Variants in ZPLD1 observed in about 807,000 individuals in gnomAD.
ZPLD1 encodes the protein zona pellucida-like domain-containing protein 1.
ZPLD1 carries 34 observed loss-of-function variants against 47.2 expected under a neutral mutation model. That is an observed-to-expected ratio of 0.72 (90% CI 0.55 to 0.96). ZPLD1 has a LOEUF of 0.96. Ranked by LOEUF, ZPLD1 falls within the 40% of genes least tolerant of loss-of-function variation. The probability of loss-of-function intolerance (pLI) is 0.00; values close to 1 mark genes in which losing one functional copy is unlikely to be tolerated. For missense variants in ZPLD1, 512 were observed against 505.8 expected (o/e 1.01, Z -0.12); for synonymous variants, 176 against 186.2 (o/e 0.95, Z 0.45).
At position 102,444,105 on chromosome 3, in the gene ZPLD1, A is replaced by G. The variant is rs1452061123; in HGVS notation, c.106+5512A>G. 2.0e-5 allele frequency among the ~76,000 whole-genome samples: 3 copies of G among 152,372 alleles called. No homozygotes were observed. In the East Asian group the frequency reaches 5.8e-4, roughly 29 times the overall value. ...GTCCATATTCTCCCATATTTTAATAACAGCATTCTTTATTGCATGAATTTT... is the reference window on the plus strand; with the variant it reads ...GTCCATATTCTCCCATATTTTAATAGCAGCATTCTTTATTGCATGAATTTT... On this transcript the variant is annotated intron_variant, in intron 3 of 11. Transcript: ENST00000466937.
chr3:102,409,791 C>A (rs1244214446), intron 7 of ZPLD1, among the ~76,000 whole-genome samples: 1 of 151,764 alleles, frequency 6.6e-6, no homozygotes, highest in Non-Finnish European at 1.5e-5. Context: ...ACCTTGATTT[C>A]AAGGTTAGAG....
rs1336102650 is a variant in ZPLD1, at chr3:102,478,073, G to A, written c.*455G>A. 1 of 152,560 alleles carries A rather than the reference G, an allele frequency of 6.6e-6. No individual in the cohort carries two copies. The highest frequency in any genetic ancestry group is 1.9e-4 in the East Asian group (1 of 5,198). 9.5% of individuals were successfully genotyped at this position (152,560 alleles called of 1,614,324 possible). A position where few individuals can be genotyped will look rare whatever the true frequency, so the allele number is the denominator to read the frequency against. ...ATCCGGATATTCCCAGCTTCAGGAT[G>A]TGTTTTAATAGGACTGGCCAATTTG... On this transcript the variant is annotated 3_prime_UTR_variant, in exon 12 of 12. Coordinates refer to ENST00000466937, the MANE Select transcript of ZPLD1 (RefSeq NM_001329788.2).
At chr3:102,411,851 G>A (rs575654436) in intron 7 of ZPLD1, among the ~76,000 whole-genome samples, 52 of 151,692 alleles carry the variant, frequency 3.4e-4, no homozygotes, top group Non-Finnish European at 4.6e-4. Flanking sequence ...GAACCAATAG[G>A]GTATATCTCT....
chr3:102,477,829 C>G lies in ZPLD1; in HGVS notation c.*211C>G. The G allele has an allele frequency of 2.5e-6, 1 of 399,854 alleles. No individual in the cohort carries two copies. The highest frequency in any genetic ancestry group is 6.5e-4 in the Middle Eastern group (1 of 1,530). The allele number at this position is 399,854 out of a possible 1,614,324, so 24.8% of individuals were successfully genotyped here. A position where few individuals can be genotyped will look rare whatever the true frequency, so the allele number is the denominator to read the frequency against. On this transcript the variant is annotated 3_prime_UTR_variant, in exon 12 of 12. Transcript: ENST00000466937. Reference sequence around the variant, plus strand: ...GTACGTGGCGAGCCGTATTTTTATGCCACCAGTGAATATATTGACAATAAG... The same window carrying G: ...GTACGTGGCGAGCCGTATTTTTATGGCACCAGTGAATATATTGACAATAAG...
chr3:102,429,705 A>T (rs185881695), intron 8 of ZPLD1, among the ~76,000 whole-genome samples: 20 of 152,284 alleles, frequency 1.3e-4, no homozygotes, highest in Middle Eastern at 6.8e-3. Flanking sequence ...TGGAATATGG[A>T]TCAAAATGTC....
chr3:102,453,100 C>A lies in ZPLD1; in HGVS notation c.288C>A (p.Ile96=). The stretch of plus-strand genomic sequence containing the variant: ...TTCCAGCAGTGGTCATTTTTATCAT[C>A]AATCTCAGCACCTTGGAGGGCTGTG... ...NTFPAVVIFI[I]NLSTLEGCGN... The change falls in exon 4 of 12, where the codon ATC becomes ATA. Residue 96 remains isoleucine (I), a synonymous_variant. Transcript: ENST00000466937. 6.2e-7 allele frequency: 1 copy of A among 1,614,036 alleles called. No homozygotes were observed. Among genetic ancestry groups the A allele is most frequent in the Non-Finnish European group, 8.5e-7 (1 of 1,179,980 alleles).
rs139889137 is a variant in ZPLD1 at position 102,461,740 on chromosome 3, T to G, written c.583-541T>G. ...ATTCTCCCTAGAAGAAAATTTCTAT[T>G]CTTCTGTGACTTTAAAATGGTCTTA... On this transcript the variant is annotated intron_variant, in intron 6 of 11. Transcript: ENST00000466937. Among the ~76,000 whole-genome samples, 119 of 152,172 alleles carry G rather than the reference T, an allele frequency of 7.8e-4. 1 individual carries two copies. The highest frequency in any genetic ancestry group is 2.6e-3 in the African/African-American group (110 of 41,586).
chr3:102,449,988 C>A (rs937375988), intron 3 of ZPLD1, among the ~76,000 whole-genome samples: 1 of 152,086 alleles, frequency 6.6e-6, no homozygotes, highest in Non-Finnish European at 1.5e-5. Context: ...ACCTTTCCTG[C>A]CTATGGGACT....
At chr3:102,450,583 A>G (rs914785525) in intron 3 of ZPLD1, among the ~76,000 whole-genome samples, 1 of 152,140 alleles carries the variant, frequency 6.6e-6, no homozygotes, top group African/African-American at 2.4e-5. Context: ...CACCTAGTTC[A>G]AGATTTGGTC....
intron 7 of ZPLD1, among the ~76,000 whole-genome samples, chr3:102,410,941 G>A (rs1400958233): frequency 2.0e-5 from 3 of 151,636 alleles, no homozygotes; most frequent in Non-Finnish European, 4.4e-5. Context: ...AATATTTATT[G>A]GACCAAATAA....
intron 3 of ZPLD1, among the ~76,000 whole-genome samples, chr3:102,452,349 T>C (rs972390620): frequency 1.3e-5 from 2 of 152,084 alleles, no homozygotes; most frequent in African/African-American, 4.8e-5. Flanking sequence ...AACACTATTT[T>C]TTTATTCCCT....
At chr3:102,423,157 T>A (rs971591315) in intron 8 of ZPLD1, among the ~76,000 whole-genome samples, 1 of 152,100 alleles carries the variant, frequency 6.6e-6, no homozygotes, top group African/African-American at 2.4e-5. Context: ...GGTTGACAAA[T>A]GCATTATGTT....
chr3:102,428,584 A>G (rs1009478061), intron 8 of ZPLD1, among the ~76,000 whole-genome samples: 1 of 152,020 alleles, frequency 6.6e-6, no homozygotes, highest in African/African-American at 2.4e-5. Flanking sequence ...AATCAAATAT[A>G]CTACATTTTT....
intron 7 of ZPLD1, among the ~76,000 whole-genome samples, chr3:102,398,647 C>A (rs1706583471): frequency 6.6e-6 from 1 of 152,082 alleles, no homozygotes; most frequent in Admixed American, 6.6e-5. Flanking sequence ...TAATCCCAAG[C>A]AATTACTGAC....
At chr3:102,403,414 T>C (rs912658321) in intron 7 of ZPLD1, among the ~76,000 whole-genome samples, 65 of 151,950 alleles carry the variant, frequency 4.3e-4, no homozygotes, top group Non-Finnish European at 8.8e-4. Context: ...CTTGTACCTC[T>C]TCAACATATA....
At chr3:102,406,385 C>T (rs1706685313) in intron 7 of ZPLD1, among the ~76,000 whole-genome samples, 5 of 151,912 alleles carry the variant, frequency 3.3e-5, no homozygotes, top group Admixed American at 3.3e-4. Flanking sequence ...ATTCTCAACT[C>T]TTGTTTACCA....
At chr3:102,391,688 C>A (rs1026487990) in intron 6 of ZPLD1, among the ~76,000 whole-genome samples, 1 of 152,084 alleles carries the variant, frequency 6.6e-6, no homozygotes, top group South Asian at 2.1e-4. Context: ...CTCCAACTGA[C>A]TATTTTATGA....
At position 102,395,427 on chromosome 3, in the gene ZPLD1, G is replaced by A. The variant is rs77350440; in HGVS notation, c.-157+3202G>A. Among the ~76,000 whole-genome samples, 372 of 152,182 alleles carry A rather than the reference G, an allele frequency of 2.4e-3. 2 individuals are homozygous for A. The highest frequency in any genetic ancestry group is 8.6e-3 in the African/African-American group (359 of 41,532). The stretch of plus-strand genomic sequence containing the variant: ...TCAGAGAGGATACCTGATGAAAGAC[G>A]AAGAGGTTGGAGTTATGTGAATGCT... On this transcript the variant is annotated intron_variant, in intron 7 of 17. Transcript: ENST00000491959.
chr3:102,459,558 C>G (rs1707474297), intron 6 of ZPLD1, among the ~76,000 whole-genome samples: 3 of 152,100 alleles, frequency 2.0e-5, no homozygotes, highest in Admixed American at 6.5e-5. Flanking sequence ...TTAAAAGAAT[C>G]TCTGAAATTG....
Sources: gnomAD v4.1 joint callset for allele counts (sites outside exome capture counted in the v4.1 genomes callset) on GRCh38, gnomAD v4.1.1 for gene constraint, MANE v1.5 for transcripts, NCBI Gene and HGNC (gene_info 2026-07-23, HGNC 2026-07-21) for gene names.